The following IL34 variants were observed in gnomAD, a reference collection of about 807,000 sequenced individuals.
IL34 encodes the protein interleukin-34.
A neutral mutation model predicts 25.3 loss-of-function variants in IL34; 17 were observed. The observed-to-expected ratio is 0.67, with a 90% confidence interval of 0.46 to 1.01. The LOEUF (loss-of-function observed/expected upper bound fraction) is 1.01, where lower values mean the gene tolerates loss of function less well. Ranked by LOEUF, IL34 falls within the 50% of genes least tolerant of loss-of-function variation. The probability of loss-of-function intolerance (pLI) is 0.00; values close to 1 mark genes in which losing one functional copy is unlikely to be tolerated. For missense variants in IL34, 368 were observed against 312.9 expected (o/e 1.18, Z -1.33); for synonymous variants, 174 against 140.9 (o/e 1.23, Z -1.66).
chr16:70,628,990 A>G (rs2051459179), intron 1 of IL34, among the ~76,000 whole-genome samples: 1 of 151,202 alleles, frequency 6.6e-6, no homozygotes, highest in African/African-American at 2.4e-5. Flanking sequence ...GGGTCTTGGT[A>G]TGTTGCCCAG....
chr16:70,633,600 T>C (rs190552821), intron 1 of IL34, among the ~76,000 whole-genome samples: 145 of 152,182 alleles, frequency 9.5e-4, no homozygotes, highest in South Asian at 3.7e-3. Flanking sequence ...GTGGGTGGTA[T>C]AGTAGTTTCC....
intron 1 of IL34, 48 bp from the exon 2 acceptor site, chr16:70,654,490 G>T (rs758624783): frequency 1.3e-6 from 2 of 1,550,214 alleles, no homozygotes; most frequent in Non-Finnish European, 1.8e-6. Flanking sequence ...TGGACGGCGT[G>T]GATGAGATGG....
chr16:70,592,809 C>A (rs2050771624), intron 1 of IL34, among the ~76,000 whole-genome samples: 2 of 152,024 alleles, frequency 1.3e-5, no homozygotes, highest in Admixed American at 1.3e-4. Flanking sequence ...CACATGCCAC[C>A]ATGCCCAGCT....
upstream of IL34, among the ~76,000 whole-genome samples, chr16:70,641,565 C>CTT (rs570531262): frequency 5.1e-3 from 547 of 108,008 alleles, 1 homozygote; most frequent in African/African-American, 0.021. Context: ...GCCTTTCTTT[C>CTT]TTTTTTTTTT....
At chr16:70,635,791 G>A (rs549527227) in intron 1 of IL34, among the ~76,000 whole-genome samples, 4 of 152,242 alleles carry the variant, frequency 2.6e-5, no homozygotes, top group South Asian at 2.1e-4. Flanking sequence ...TTAGTAATAC[G>A]AGTGAGTAAT....
chr16:70,654,507 C>T, intron 1 of IL34, 31 bp from the exon 2 acceptor site: 1 of 1,581,328 alleles, frequency 6.3e-7, no homozygotes. Context: ...ATGGAGGGTG[C>T]TCATGTGCTC....
In IL34 at chr16:70,660,228, G is replaced by C; in HGVS notation, c.*41G>C. ...ACTGCGGATAGGGGCAGCCAGACCAGCTCCCACAGGAGTTCAACTGGGTCT... is the reference window on the plus strand; with the variant it reads ...ACTGCGGATAGGGGCAGCCAGACCACCTCCCACAGGAGTTCAACTGGGTCT... On this transcript the variant is annotated 3_prime_UTR_variant, in exon 6 of 6. Coordinates refer to ENST00000288098, the MANE Select transcript of IL34 (RefSeq NM_001393494.1). The C allele has an allele frequency of 6.7e-7, 1 of 1,499,514 alleles. No individual in the cohort carries two copies. Among genetic ancestry groups the C allele is most frequent in the African/African-American group, 1.4e-5 (1 of 71,402 alleles). The allele number at this position is 1,499,514 out of a possible 1,614,324, so 92.9% of individuals were successfully genotyped here.
At chr16:70,604,713 T>C (rs2050972457) in intron 1 of IL34, among the ~76,000 whole-genome samples, 2 of 151,978 alleles carry the variant, frequency 1.3e-5, no homozygotes, top group African/African-American at 4.8e-5. Context: ...CAGAAAGGAG[T>C]TAGGCAAAGT....
In IL34 at chr16:70,592,056, C is replaced by T. The variant is rs138855616; in HGVS notation, c.-401+12007C>T. On this transcript the variant is annotated intron_variant, in intron 1 of 6. Transcript: ENST00000429149. ...TCCACAGTGGGAAGGGGCATGGGGGCGGCGGGGAGGTGGTGGTCCTTCTAC... is the reference window on the plus strand; with the variant it reads ...TCCACAGTGGGAAGGGGCATGGGGGTGGCGGGGAGGTGGTGGTCCTTCTAC... Among the ~76,000 whole-genome samples the T allele has an allele frequency of 1.8e-4, 26 of 146,960 alleles. No homozygotes were observed. In the South Asian group the frequency reaches 2.1e-3, roughly 12 times the overall value.
intron 1 of IL34, among the ~76,000 whole-genome samples, chr16:70,605,212 T>C (rs1282602131): frequency 6.6e-6 from 1 of 152,118 alleles, no homozygotes; most frequent in East Asian, 1.9e-4. Context: ...GTCTGTCCTA[T>C]GAGAAGAAAG....
At chr16:70,612,095 G>C (rs1292979876) in intron 1 of IL34, among the ~76,000 whole-genome samples, 2 of 152,198 alleles carry the variant, frequency 1.3e-5, no homozygotes. Context: ...CCCAAAGCCT[G>C]TCTCAGGCTC....
intron 1 of IL34, among the ~76,000 whole-genome samples, chr16:70,610,518 G>A (rs1223325612): frequency 6.6e-6 from 1 of 152,228 alleles, no homozygotes; most frequent in Non-Finnish European, 1.5e-5. Context: ...GATGACACCA[G>A]AACCAGGCTC....
At chr16:70,583,855 T>C (rs2050662067) in intron 1 of IL34, among the ~76,000 whole-genome samples, 1 of 152,174 alleles carries the variant, frequency 6.6e-6, no homozygotes, top group Non-Finnish European at 1.5e-5. Context: ...TTTCACCATG[T>C]TGGCCAGGCT....
intron 1 of IL34, among the ~76,000 whole-genome samples, chr16:70,582,237 C>T (rs937193693): frequency 6.6e-6 from 1 of 152,268 alleles, no homozygotes; most frequent in Non-Finnish European, 1.5e-5. Context: ...AGGCCTCCCT[C>T]TGGGGGACCC....
At chr16:70,653,089 C>T (rs1012331221) in intron 1 of IL34, among the ~76,000 whole-genome samples, 4 of 152,098 alleles carry the variant, frequency 2.6e-5, no homozygotes, top group African/African-American at 9.7e-5. Context: ...GCTTGTAATC[C>T]CAGCTACTTG....
At chr16:70,627,891 C>T (rs1458638124) in intron 1 of IL34, among the ~76,000 whole-genome samples, 2 of 152,154 alleles carry the variant, frequency 1.3e-5, no homozygotes, top group African/African-American at 2.4e-5. Flanking sequence ...ATCCACATGC[C>T]ATGAATATTG....
At chr16:70,624,091 T>G (rs889442018) in intron 1 of IL34, among the ~76,000 whole-genome samples, 2 of 152,068 alleles carry the variant, frequency 1.3e-5, no homozygotes, top group Non-Finnish European at 1.5e-5. Flanking sequence ...TCAGAGAGCC[T>G]TGGGCCAGAG....
intron 1 of IL34, among the ~76,000 whole-genome samples, chr16:70,580,793 A>T (rs990122271): frequency 5.3e-5 from 8 of 152,166 alleles, no homozygotes; most frequent in Non-Finnish European, 1.0e-4. Context: ...AAAAAAAAAA[A>T]AAATTAATTG....
chr16:70,597,876 C>T (rs1338084073), intron 1 of IL34, among the ~76,000 whole-genome samples: 1 of 151,950 alleles, frequency 6.6e-6, no homozygotes, highest in East Asian at 1.9e-4. Flanking sequence ...TTGCTCTTGT[C>T]GTCCAGGCTG....
Sources: allele counts gnomAD v4.1 joint callset (sites outside exome capture counted in the v4.1 genomes callset), GRCh38; gene constraint gnomAD v4.1.1; transcripts MANE v1.5; gene names NCBI Gene and HGNC (gene_info 2026-07-23, HGNC 2026-07-21).